The following HRH1 variants were observed in gnomAD, a reference collection of about 807,000 sequenced individuals.
HRH1 encodes histamine receptor H1, also known as histamine H1 receptor.
A neutral mutation model predicts 10.3 loss-of-function variants in HRH1; 6 were observed. The observed-to-expected ratio is 0.58, with a 90% CI of 0.32 to 1.15. The LOEUF (loss-of-function observed/expected upper bound fraction) is 1.15. Ranked by LOEUF, HRH1 falls within the 50% of genes most tolerant of loss-of-function variation. The pLI is 0.05. For missense variants in HRH1, 514 were observed against 615.3 expected (o/e 0.84, Z 1.74); for synonymous variants, 242 against 236.7 (o/e 1.02, Z -0.21).
Position 11,257,281 on chromosome 3 carries a change from C to T in HRH1, c.-35-1722C>T, listed in dbSNP as rs1422431961. ...AAAAAAAAAAAAAAAAATGGCTGGG[C>T]GTGGTGCCTCATGCCTGTAATCCCA... On this transcript the variant is annotated intron_variant, in intron 1 of 1. Transcript: ENST00000431010. 3.4e-5 allele frequency among the ~76,000 whole-genome samples: 5 copies of T among 146,730 alleles called. No individual in the cohort carries two copies. In the East Asian group the frequency reaches 7.9e-4, roughly 23 times the overall value.
chr3:11,162,754 G>A (rs1936950903), intron 1 of HRH1, among the ~76,000 whole-genome samples: 1 of 152,162 alleles, frequency 6.6e-6, no homozygotes, highest in Admixed American at 6.5e-5. Context: ...TCCATGCTTA[G>A]GACTGGACAG....
chr3:11,215,650 C>G (rs1167914910), intron 1 of HRH1, among the ~76,000 whole-genome samples: 1 of 152,176 alleles, frequency 6.6e-6, no homozygotes, highest in Non-Finnish European at 1.5e-5. Context: ...ACTGTGTTAG[C>G]CAGGATGGTC....
At chr3:11,156,614 C>G (rs1270319151) in intron 1 of HRH1, among the ~76,000 whole-genome samples, 1 of 152,176 alleles carries the variant, frequency 6.6e-6, no homozygotes, top group Non-Finnish European at 1.5e-5. Flanking sequence ...TGGCCTTGGT[C>G]AAGTTGCTAC....
At chr3:11,193,866 C>G (rs73119369) in intron 1 of HRH1, among the ~76,000 whole-genome samples, 2,218 of 152,182 alleles carry the variant, frequency 0.015, 53 homozygotes, top group African/African-American at 0.051. Context: ...TGATGAGGAA[C>G]AAATATTCAG....
chr3:11,174,876 C>A (rs1937219984), intron 1 of HRH1, among the ~76,000 whole-genome samples: 2 of 152,160 alleles, frequency 1.3e-5, no homozygotes, highest in Admixed American at 6.5e-5. Flanking sequence ...GTCTGGGTAG[C>A]TGTTGGGCAA....
chr3:11,220,726 A>G (rs1194997467), intron 1 of HRH1, among the ~76,000 whole-genome samples: 1 of 152,214 alleles, frequency 6.6e-6, no homozygotes, highest in African/African-American at 2.4e-5. Context: ...GTTGAGGTTC[A>G]TTATAGCAAC....
At chr3:11,209,523 G>A (rs1412968913) in intron 1 of HRH1, among the ~76,000 whole-genome samples, 1 of 152,226 alleles carries the variant, frequency 6.6e-6, no homozygotes, top group East Asian at 1.9e-4. Context: ...GTGGTTCACA[G>A]TGTTTGGCTA....
At chr3:11,252,190 T>C (rs1207808671) in intron 1 of HRH1, among the ~76,000 whole-genome samples, 1 of 152,244 alleles carries the variant, frequency 6.6e-6, no homozygotes, top group East Asian at 1.9e-4. Flanking sequence ...AGTCTATCCA[T>C]AGACGGCAGT....
At chr3:11,241,972 T>C (rs548922403) in intron 1 of HRH1, among the ~76,000 whole-genome samples, 2 of 151,316 alleles carry the variant, frequency 1.3e-5, no homozygotes, top group East Asian at 3.9e-4. Flanking sequence ...TCAGCAGGAG[T>C]CTAAAAGTAG....
intron 1 of HRH1, among the ~76,000 whole-genome samples, chr3:11,165,913 G>A (rs1280625777): frequency 6.6e-6 from 1 of 152,190 alleles, no homozygotes; most frequent in African/African-American, 2.4e-5. Context: ...AGGGAATAAT[G>A]GTGTGTACTG....
chr3:11,242,457 G>C (rs984350134), intron 1 of HRH1, among the ~76,000 whole-genome samples: 1 of 129,904 alleles, frequency 7.7e-6, no homozygotes, highest in African/African-American at 2.9e-5. Flanking sequence ...CTCCAGCCTG[G>C]GCAACAGAGC....
intron 1 of HRH1, among the ~76,000 whole-genome samples, chr3:11,215,693 G>A (rs1386801736): frequency 1.3e-5 from 2 of 152,188 alleles, no homozygotes; most frequent in Admixed American, 1.3e-4. Context: ...CGCCCGCCTC[G>A]GCCTCTCAGA....
At chr3:11,157,614 G>A (rs7618407) in intron 1 of HRH1, among the ~76,000 whole-genome samples, 3 of 152,176 alleles carry the variant, frequency 2.0e-5, no homozygotes, top group East Asian at 1.9e-4. Flanking sequence ...GCTGTCGGAG[G>A]GGGGGCCAGG....
intron 1 of HRH1, among the ~76,000 whole-genome samples, chr3:11,138,989 C>CT (rs35542980): frequency 0.34 from 47,446 of 139,864 alleles, 7,928 homozygotes; most frequent in Admixed American, 0.48. Context: ...CTGCATTGTT[C>CT]TTTTTTTTTT....
chr3:11,205,495 T>A (rs778675812), intron 1 of HRH1, among the ~76,000 whole-genome samples: 1 of 152,162 alleles, frequency 6.6e-6, no homozygotes, highest in Non-Finnish European at 1.5e-5. Context: ...TGAACTGGGA[T>A]AACAACATCA....
intron 1 of HRH1, among the ~76,000 whole-genome samples, chr3:11,195,437 C>T (rs1937622909): frequency 6.6e-6 from 1 of 152,180 alleles, no homozygotes; most frequent in Non-Finnish European, 1.5e-5. Flanking sequence ...CACATTGAGG[C>T]ATATCTGCCA....
chr3:11,175,539 C>T (rs1937232905), intron 1 of HRH1, among the ~76,000 whole-genome samples: 1 of 152,054 alleles, frequency 6.6e-6, no homozygotes, highest in South Asian at 2.1e-4. Context: ...ATATAATCCA[C>T]CTACAAATAC....
Position 11,146,782 on chromosome 3 carries a change from A to G in HRH1, c.-36+9383A>G, listed in dbSNP as rs1417174615. On this transcript the variant is annotated intron_variant, in intron 1 of 1. Transcript: ENST00000438284. ...TTGGGGGTGGGCAGAAGAACCTCATATGTCTACCAGAATTCTCTGTGTCCT... is the reference window on the plus strand; with the variant it reads ...TTGGGGGTGGGCAGAAGAACCTCATGTGTCTACCAGAATTCTCTGTGTCCT... 2.0e-5 allele frequency among the ~76,000 whole-genome samples: 3 copies of G among 152,200 alleles called. No individual in the cohort carries two copies. The East Asian group carries it at 5.8e-4, about 29-fold the overall frequency.
At chr3:11,169,950 C>T (rs767065563) in intron 1 of HRH1, among the ~76,000 whole-genome samples, 2 of 152,150 alleles carry the variant, frequency 1.3e-5, no homozygotes, top group Non-Finnish European at 2.9e-5. Context: ...GACACTGTCC[C>T]GCAACTCTCA....
Sources: gnomAD v4.1 joint callset for allele counts (sites outside exome capture counted in the v4.1 genomes callset) on GRCh38, gnomAD v4.1.1 for gene constraint, MANE v1.5 for transcripts, NCBI Gene and HGNC (gene_info 2026-07-23, HGNC 2026-07-21) for gene names.